Variants in RANGAP1 observed in about 807,000 individuals in gnomAD.
The protein encoded by RANGAP1 is Ran GTPase activating protein 1, also known as ran GTPase-activating protein 1.
Under a neutral mutation model 63.5 loss-of-function variants are expected in RANGAP1, and 38 were observed. The ratio of observed to expected loss-of-function variants is 0.60; its 90% CI spans 0.46 to 0.78. The LOEUF (loss-of-function observed/expected upper bound fraction) is 0.78. RANGAP1 is among the 30% of genes least tolerant of loss of function. The pLI is 0.00. For synonymous variants in RANGAP1, 329 were observed against 310.5 expected (o/e 1.06, Z -0.63); for missense variants, 630 against 740.3 (o/e 0.85, Z 1.73).
At position 41,256,746 on chromosome 22, in the gene RANGAP1, C is replaced by CA. The variant is rs752261657; in HGVS notation, c.852dup (p.Ala285CysfsTer20). On this transcript the variant is annotated frameshift_variant, in exon 8 of 16. Transcript: ENST00000356244. LOFTEE classifies it high-confidence loss of function. ...GGCAGGCCGCCGCGGATGGCATCTGCAATGGCAACTGCACCCTTGGAGCGC... is the reference window on the plus strand; with the variant it reads ...GGCAGGCCGCCGCGGATGGCATCTGCAAATGGCAACTGCACCCTTGGAGCGC... The CA allele has an allele frequency of 4.3e-6, 7 of 1,614,110 alleles. No individual in the cohort carries two copies. The highest frequency in any genetic ancestry group is 5.1e-6 in the Non-Finnish European group (6 of 1,180,040).
chr22:41,291,902 A>T, the RANGAP1 span, among the ~76,000 whole-genome samples: 4 of 151,322 alleles, frequency 2.6e-5, no homozygotes, highest in South Asian at 8.4e-4. Flanking sequence ...CTCTGTCTCA[A>T]AAATAATAAT....
intron 1 of RANGAP1, chr22:41,282,143 T>TA (rs1264392059): frequency 1.3e-5 from 2 of 151,602 alleles, no homozygotes; most frequent in African/African-American, 4.9e-5. Flanking sequence ...AAAATAAAAA[T>TA]AAAAATTAGC....
chr22:41,288,389 C>A (rs916492229), upstream of RANGAP1, among the ~76,000 whole-genome samples: 2 of 152,162 alleles, frequency 1.3e-5, no homozygotes, highest in Admixed American at 1.3e-4. Context: ...TCCATCTGGG[C>A]AGTATCTTCT....
intron 1 of RANGAP1, 194 bp downstream of exon 1, chr22:41,285,792 C>A: frequency 2.4e-6 from 2 of 819,522 alleles, no homozygotes; most frequent in Non-Finnish European, 1.5e-6. Context: ...GCCTCAGTTT[C>A]CCCATTTGTG....
intron 10 of RANGAP1, 114 bp from the exon 11 acceptor site, chr22:41,254,608 G>A: frequency 6.7e-7 from 1 of 1,484,908 alleles, no homozygotes. Flanking sequence ...AGAGAGCCTG[G>A]TGGGGTGGGA....
At position 41,257,867 on chromosome 22, in the gene RANGAP1, A is replaced by G; in HGVS notation, c.774+81T>C. On this transcript the variant is annotated intron_variant, in intron 7 of 15. Transcript: ENST00000356244. The surrounding 1 kb of genome is among the most constrained non-coding windows in gnomAD (Gnocchi z 4.0). ...CAGGGGGTAGAGGAGTCCCTGCTAAACGGAGCCCCAGCTTCCCTGGAAAGA... is the reference window on the plus strand; with the variant it reads ...CAGGGGGTAGAGGAGTCCCTGCTAAGCGGAGCCCCAGCTTCCCTGGAAAGA... The G allele has an allele frequency of 6.8e-7, 1 of 1,479,638 alleles. No individual in the cohort carries two copies. 91.7% of individuals were successfully genotyped at this position (1,479,638 alleles called of 1,614,324 possible). A position where few individuals can be genotyped will look rare whatever the true frequency, so the allele number is the denominator to read the frequency against.
intron 1 of RANGAP1, chr22:41,285,281 G>A (rs1162469300): frequency 1.3e-5 from 2 of 157,664 alleles, no homozygotes; most frequent in Non-Finnish European, 2.7e-5. Flanking sequence ...AGATAGAATA[G>A]GGACAGAACT....
intron 11 of RANGAP1, 87 bp downstream of exon 11, chr22:41,254,221 G>C: frequency 6.8e-7 from 1 of 1,466,276 alleles, no homozygotes; most frequent in Non-Finnish European, 9.4e-7. Flanking sequence ...TGCTTAAGGA[G>C]ACACCCCCTA....
At chr22:41,273,384 A>G (rs1174839631) in intron 3 of RANGAP1, among the ~76,000 whole-genome samples, 1 of 152,200 alleles carries the variant, frequency 6.6e-6, no homozygotes, top group Non-Finnish European at 1.5e-5. Flanking sequence ...ACTGGTGTTT[A>G]GGAGAACCTG....
At chr22:41,289,550 G>A (rs1467692718), upstream of RANGAP1, among the ~76,000 whole-genome samples, 1 of 151,992 alleles carries the variant, frequency 6.6e-6, no homozygotes, top group Non-Finnish European at 1.5e-5. Flanking sequence ...TTGAACCCAA[G>A]AGGCGGAGGT....
At chr22:41,261,634 G>T in intron 5 of RANGAP1, 54 bp from the exon 6 acceptor site, 1 of 1,610,866 alleles carries the variant, frequency 6.2e-7, no homozygotes, top group Non-Finnish European at 8.5e-7. Flanking sequence ...TTCTCCCAGC[G>T]GGGTGGCCAC....
chr22:41,250,613 CTG>C (rs1021897236), intron 13 of RANGAP1, among the ~76,000 whole-genome samples: 3 of 152,190 alleles, frequency 2.0e-5, no homozygotes, highest in Non-Finnish European at 4.4e-5. Context: ...AAGGTGTCCT[CTG>C]TGCAAGGAAC....
chr22:41,253,108 A>C, intron 11 of RANGAP1, 117 bp from the exon 12 acceptor site: 1 of 1,103,148 alleles, frequency 9.1e-7, no homozygotes, highest in Non-Finnish European at 1.2e-6. Context: ...TCTAGGCTCA[A>C]AGTCTAGAAT....
chr22:41,281,724 G>A, intron 1 of RANGAP1: 2 of 835,740 alleles, frequency 2.4e-6, no homozygotes, highest in Non-Finnish European at 2.9e-6. Context: ...GACAGGGACA[G>A]GGCTGCTACC....
the RANGAP1 span, among the ~76,000 whole-genome samples, chr22:41,298,246 C>T: frequency 1.5e-4 from 23 of 152,128 alleles, no homozygotes; most frequent in Non-Finnish European, 3.2e-4. Context: ...CGTGACCCAC[C>T]CGCCTTGGCC....
the RANGAP1 span, among the ~76,000 whole-genome samples, chr22:41,299,427 C>T: frequency 3.3e-5 from 5 of 151,934 alleles, no homozygotes; most frequent in East Asian, 3.9e-4. Context: ...CCACCGCGCC[C>T]GGCCTAATTT....
chr22:41,250,334 C>T (rs2061003784), intron 13 of RANGAP1, among the ~76,000 whole-genome samples: 1 of 152,246 alleles, frequency 6.6e-6, no homozygotes, highest in African/African-American at 2.4e-5. Context: ...GCTTCGACGC[C>T]ACGCCGGGAA....
At position 41,256,104 on chromosome 22, in the gene RANGAP1, G is replaced by T. The variant is rs1569179470; in HGVS notation, c.990C>A (p.Gly330=). 1 of 1,614,122 alleles carries T rather than the reference G, an allele frequency of 6.2e-7. No homozygotes were observed. ...KAELEKLDLN[G]NTLGEEGCEQ... ...CACAGCCTTCTTCTCCCAGGGTGTT[G>T]CCTGCTCAAGGGGAGGGAAGAGCAG... Residue 330 remains glycine, a splice_region_variant and synonymous_variant, in exon 10 of 16, where the codon GGC becomes GGA. Coordinates refer to ENST00000356244, the MANE Select transcript of RANGAP1 (RefSeq NM_002883.4).
chr22:41,267,221 C>G (rs575116509), intron 4 of RANGAP1, among the ~76,000 whole-genome samples: 1 of 152,228 alleles, frequency 6.6e-6, no homozygotes, highest in South Asian at 2.1e-4. Context: ...CCTAGCCTCA[C>G]AAGCCAGGTG....
Sources: allele counts gnomAD v4.1 joint callset (sites outside exome capture counted in the v4.1 genomes callset), GRCh38; gene constraint gnomAD v4.1.1; non-coding constraint Gnocchi (gnomAD v3.1); transcripts MANE v1.5; gene names NCBI Gene and HGNC (gene_info 2026-07-23, HGNC 2026-07-21).